Variants in DNAH9 observed in about 807,000 individuals in gnomAD.
DNAH9 encodes DNAH9 variant protein.
Under a neutral mutation model 471.6 loss-of-function variants are expected in DNAH9, and 345 were observed. That is an observed-to-expected ratio of 0.73 (90% CI 0.67 to 0.80). DNAH9 has a LOEUF of 0.80. Among genes scored for constraint, DNAH9 ranks in the 30% least tolerant of loss-of-function variants. The probability of loss-of-function intolerance (pLI) is 0.00; values close to 1 mark genes in which losing one functional copy is unlikely to be tolerated. For missense variants in DNAH9, 5,407 were observed against 5,609.2 expected (o/e 0.96, Z 1.15); for synonymous variants, 2,093 against 2,123.6 (o/e 0.99, Z 0.40).
At chr17:11,777,275 A>G (rs1224903641) in intron 38 of DNAH9, among the ~76,000 whole-genome samples, 1 of 152,250 alleles carries the variant, frequency 6.6e-6, no homozygotes, top group East Asian at 1.9e-4. Flanking sequence ...ACGTGTTTAC[A>G]GTAACTATGT....
chr17:11,850,898 C>T (rs1420285944), intron 49 of DNAH9, among the ~76,000 whole-genome samples: 1 of 152,152 alleles, frequency 6.6e-6, no homozygotes, highest in African/African-American at 2.4e-5. Context: ...GACACTGGGG[C>T]TTCCATGGTT....
Position 11,854,393 on chromosome 17 carries a change from C to T in DNAH9, c.9898C>T (p.Gln3300Ter). Reference sequence around the variant, plus strand: ...AGCCACCGCGGACCTCACAGCTGCCCAGGAGAAGCTGGCTGCCATCAAAGC... The same window carrying T: ...AGCCACCGCGGACCTCACAGCTGCCTAGGAGAAGCTGGCTGCCATCAAAGC... ...NKATADLTAA[Q>*]EKLAAIKAKI... is the part of the protein sequence containing the mutation. Residue 3300 changes from glutamine (Q) to a stop codon, truncating the protein, a stop_gained, in exon 50 of 69, where the codon CAG becomes TAG. Transcript: ENST00000262442. LOFTEE classifies it high-confidence loss of function. 1 of 1,613,342 alleles carries T rather than the reference C, an allele frequency of 6.2e-7. No individual in the cohort carries two copies. The highest frequency in any genetic ancestry group is 8.5e-7 in the Non-Finnish European group (1 of 1,179,454).
At chr17:11,733,188 T>C (rs2075295255) in intron 28 of DNAH9, among the ~76,000 whole-genome samples, 1 of 152,064 alleles carries the variant, frequency 6.6e-6, no homozygotes, top group Non-Finnish European at 1.5e-5. Flanking sequence ...GGGCAAAGAC[T>C]TGAAAAGAGA....
intron 27 of DNAH9, among the ~76,000 whole-genome samples, chr17:11,721,940 G>C (rs1372849857): frequency 6.6e-6 from 1 of 152,112 alleles, no homozygotes. Flanking sequence ...TGGTGACAGA[G>C]AGAGCATGTG....
At chr17:11,657,983 C>G (rs556099613) in intron 14 of DNAH9, among the ~76,000 whole-genome samples, 1 of 151,930 alleles carries the variant, frequency 6.6e-6, no homozygotes, top group Non-Finnish European at 1.5e-5. Context: ...TTTTCAAGGT[C>G]ATTTTGACTA....
At chr17:11,831,494 C>G (rs1970683103) in intron 48 of DNAH9, among the ~76,000 whole-genome samples, 2 of 152,066 alleles carry the variant, frequency 1.3e-5, no homozygotes, top group African/African-American at 2.4e-5. Context: ...CCACTTGTCC[C>G]CACCTCCAAC....
intron 53 of DNAH9, among the ~76,000 whole-genome samples, chr17:11,878,846 G>A (rs1359399176): frequency 1.3e-5 from 2 of 152,138 alleles, no homozygotes; most frequent in Admixed American, 1.3e-4. Flanking sequence ...TGGGTTACAG[G>A]CATGAGCCAC....
rs34314090 is a variant in DNAH9, at chr17:11,708,014, C to CAG, written c.5552+2870_5552+2871dup. On this transcript the variant is annotated intron_variant, in intron 26 of 68. Transcript: ENST00000262442. ...ACACACACACACACACACACACACA[C>CAG]AGAGAGAGAGAGAGAGAGAGAGAGA... Among the ~76,000 whole-genome samples the CAG allele has an allele frequency of 6.3e-4, 33 of 52,216 alleles. 1 individual carries two copies. Among genetic ancestry groups the CAG allele is most frequent in the African/African-American group, 2.3e-3 (32 of 13,872 alleles). 34.3% of individuals were successfully genotyped at this position (52,216 alleles called of 152,430 possible).
At chr17:11,894,258 T>C (rs1316626609) in intron 58 of DNAH9, 116 bp from the exon 59 acceptor site, 1 of 1,423,032 alleles carries the variant, frequency 7.0e-7, no homozygotes, top group South Asian at 1.3e-5. Flanking sequence ...ACAACCAAAA[T>C]TGATGGGCAA....
At chr17:11,660,685 C>G (rs1175520276) in intron 14 of DNAH9, among the ~76,000 whole-genome samples, 1 of 152,130 alleles carries the variant, frequency 6.6e-6, no homozygotes, top group Non-Finnish European at 1.5e-5. Context: ...TCCATATATT[C>G]AGAGCTTCTC....
At chr17:11,617,366 A>G (rs1279779193) in intron 4 of DNAH9, 45 bp from the exon 5 acceptor site, 2 of 1,418,470 alleles carry the variant, frequency 1.4e-6, no homozygotes, top group South Asian at 1.2e-5. Context: ...CCAGGTGGGT[A>G]TTAGGCTCCA....
chr17:11,815,831 T>G (rs9913354), intron 45 of DNAH9, among the ~76,000 whole-genome samples: 2 of 152,078 alleles, frequency 1.3e-5, no homozygotes, highest in African/African-American at 4.8e-5. Context: ...AACACTGTAA[T>G]TTTTTTATTA....
intron 1 of DNAH9, among the ~76,000 whole-genome samples, chr17:11,605,099 C>G (rs2072471592): frequency 2.0e-5 from 3 of 152,172 alleles, no homozygotes; most frequent in Admixed American, 2.0e-4. Flanking sequence ...CTTGATCAGA[C>G]CAAGCATGCT....
At chr17:11,841,986 T>G (rs1180039905) in intron 49 of DNAH9, among the ~76,000 whole-genome samples, 1 of 152,144 alleles carries the variant, frequency 6.6e-6, no homozygotes, top group Non-Finnish European at 1.5e-5. Flanking sequence ...CTTCCTTTCT[T>G]TTTATACAGT....
chr17:11,678,016 A>C (rs112279218), intron 17 of DNAH9, among the ~76,000 whole-genome samples: 1 of 135,368 alleles, frequency 7.4e-6, no homozygotes, highest in Non-Finnish European at 1.6e-5. Context: ...ATATATATAT[A>C]TCTATATATA....
chr17:11,754,261 C>T (rs1181425021), intron 33 of DNAH9, among the ~76,000 whole-genome samples: 1 of 152,014 alleles, frequency 6.6e-6, no homozygotes, highest in Non-Finnish European at 1.5e-5. Context: ...ATGTCTTTGC[C>T]ATTGTGAAGA....
Position 11,700,391 on chromosome 17 carries a change from C to T in DNAH9, c.5025+508C>T, listed in dbSNP as rs542475092. Reference sequence around the variant, plus strand: ...TGGAGAACAAACTACCACCGTGCTCCAGGAACTGCCTCCTCCAAATCTCCA... The same window carrying T: ...TGGAGAACAAACTACCACCGTGCTCTAGGAACTGCCTCCTCCAAATCTCCA... On this transcript the variant is annotated intron_variant, in intron 23 of 68. Coordinates refer to ENST00000262442, the MANE Select transcript of DNAH9 (RefSeq NM_001372.4). Among the ~76,000 whole-genome samples the T allele has an allele frequency of 2.6e-5, 4 of 152,280 alleles. No homozygotes were observed. The East Asian group carries it at 5.8e-4, about 22-fold the overall frequency.
At chr17:11,813,975 T>C (rs1251233041) in intron 45 of DNAH9, among the ~76,000 whole-genome samples, 3 of 152,174 alleles carry the variant, frequency 2.0e-5, no homozygotes, top group Non-Finnish European at 4.4e-5. Context: ...AACCACATAT[T>C]TGAGTCACTT....
intron 35 of DNAH9, among the ~76,000 whole-genome samples, chr17:11,762,767 T>TTTTTTGTTG (rs1460528522): frequency 3.9e-5 from 3 of 77,562 alleles, no homozygotes; most frequent in East Asian, 3.1e-4. Flanking sequence ...CGTTTTTTTT[T>TTTTTTGTTG]TTGTTTTTTT....
Sources: allele counts gnomAD v4.1 joint callset (sites outside exome capture counted in the v4.1 genomes callset), GRCh38; gene constraint gnomAD v4.1.1; transcripts MANE v1.5; gene names NCBI Gene and HGNC (gene_info 2026-07-23, HGNC 2026-07-21).